The following LRP1B variants were observed in gnomAD, a reference collection of about 807,000 sequenced individuals.
LRP1B encodes the protein low-density lipoprotein receptor-related protein 1B.
In LRP1B, 217 loss-of-function variants were observed where a neutral mutation model predicts 556.6. The observed-to-expected ratio is 0.39, with a 90% CI of 0.35 to 0.44. The LOEUF (loss-of-function observed/expected upper bound fraction) is 0.44, where lower values mean the gene tolerates loss of function less well. Among genes scored for constraint, LRP1B ranks in the 20% least tolerant of loss-of-function variants. LRP1B has a pLI of 1.00. For missense variants in LRP1B, 5,053 were observed against 5,620.8 expected (o/e 0.90, Z 3.23); for synonymous variants, 2,047 against 1,865.8 (o/e 1.10, Z -2.50).
intron 3 of LRP1B, among the ~76,000 whole-genome samples, chr2:141,353,088 A>G (rs1372852326): frequency 6.6e-6 from 1 of 151,964 alleles, no homozygotes; most frequent in Non-Finnish European, 1.5e-5. Context: ...GTCATGTCAT[A>G]AGTCAAAACA....
At chr2:140,483,808 T>C (rs1377568648) in intron 59 of LRP1B, among the ~76,000 whole-genome samples, 1 of 151,502 alleles carries the variant, frequency 6.6e-6, no homozygotes, top group African/African-American at 2.4e-5. Context: ...GCCTGGCTAA[T>C]TTTTGTATTT....
chr2:141,431,142 A>AAAATAAATAAATAAATAAATAAATAAAT (rs36102221), intron 3 of LRP1B, among the ~76,000 whole-genome samples: 4 of 148,180 alleles, frequency 2.7e-5, no homozygotes, highest in Non-Finnish European at 5.9e-5. Context: ...TCAAAAAATC[A>AAAATAAATAAATAAATAAATAAATAAAT]AAATAAATAA....
intron 1 of LRP1B, among the ~76,000 whole-genome samples, chr2:142,007,199 T>C (rs1702829121): frequency 6.6e-6 from 1 of 152,188 alleles, no homozygotes; most frequent in African/African-American, 2.4e-5. Context: ...AGATATGGAA[T>C]TTTCTTTCCT....
chr2:141,065,218 C>A (rs1308830861), intron 7 of LRP1B, among the ~76,000 whole-genome samples: 1 of 151,892 alleles, frequency 6.6e-6, no homozygotes, highest in South Asian at 2.1e-4. Flanking sequence ...ACTCATTGAG[C>A]CACTTCAGAG....
At chr2:141,648,259 T>A (rs944962245) in intron 2 of LRP1B, among the ~76,000 whole-genome samples, 2 of 152,224 alleles carry the variant, frequency 1.3e-5, no homozygotes, top group Non-Finnish European at 2.9e-5. Flanking sequence ...ACAACATTCA[T>A]TGAGTCCAAT....
At chr2:140,258,664 A>G (rs976814637) in intron 86 of LRP1B, among the ~76,000 whole-genome samples, 2 of 151,600 alleles carry the variant, frequency 1.3e-5, no homozygotes, top group Admixed American at 6.6e-5. Context: ...TGTTCTTTAT[A>G]TATATTACAT....
intron 27 of LRP1B, 62 bp from the exon 28 acceptor site, chr2:140,851,845 G>A (rs745914568): frequency 3.4e-4 from 494 of 1,456,354 alleles, no homozygotes; most frequent in Non-Finnish European, 4.5e-4. Context: ...GAAGCTCTGA[G>A]GTTGACAGGG....
intron 72 of LRP1B, among the ~76,000 whole-genome samples, chr2:140,363,814 CA>C (rs1682628292): frequency 6.6e-6 from 1 of 151,498 alleles, no homozygotes; most frequent in African/African-American, 2.4e-5. Flanking sequence ...CTTGATGCAA[CA>C]AACAGAACAA....
intron 59 of LRP1B, among the ~76,000 whole-genome samples, chr2:140,482,442 T>C (rs962471149): frequency 6.6e-6 from 1 of 152,164 alleles, no homozygotes; most frequent in African/African-American, 2.4e-5. Context: ...AAAATGCTTA[T>C]ACATATCCTG....
chr2:140,392,910 T>C (rs1558850986), intron 66 of LRP1B, among the ~76,000 whole-genome samples: 1 of 151,626 alleles, frequency 6.6e-6, no homozygotes, highest in Non-Finnish European at 1.5e-5. Flanking sequence ...TAAAATGTTA[T>C]ATGTAGGCCT....
At chr2:142,119,639 C>T (rs949048395) in intron 1 of LRP1B, among the ~76,000 whole-genome samples, 1 of 152,138 alleles carries the variant, frequency 6.6e-6, no homozygotes, top group African/African-American at 2.4e-5. Context: ...TTAACAGTAA[C>T]AATATTTCCT....
In LRP1B at chr2:141,699,038, T is replaced by G. The variant is rs1574256741; in HGVS notation, c.205+111241A>C. Among the ~76,000 whole-genome samples, 8 of 151,898 alleles carry G rather than the reference T, an allele frequency of 5.3e-5. No individual in the cohort carries two copies. In the South Asian group the frequency reaches 1.7e-3, roughly 32 times the overall value. ...GATAATTTATTCTCTTCTCTCATTC[T>G]CTCTGTCTTTCCTTCATCAGAATCC... On this transcript the variant is annotated intron_variant, in intron 2 of 90. Transcript: ENST00000389484.
Position 141,219,637 on chromosome 2 carries a change from C to T in LRP1B, c.850+9546G>A, listed in dbSNP as rs115244467. ...TCACATGCCTCCTGACTGTTTGAGA[C>T]ATCCCAACAAGGGCCATGAGACACC... On this transcript the variant is annotated intron_variant, in intron 6 of 90. Transcript: ENST00000389484. Among the ~76,000 whole-genome samples, 914 of 152,266 alleles carry T rather than the reference C, an allele frequency of 6.0e-3. 10 individuals carry two copies. Among genetic ancestry groups the T allele is most frequent in the African/African-American group, 0.021 (868 of 41,576 alleles).
intron 9 of LRP1B, among the ~76,000 whole-genome samples, chr2:141,056,388 C>T (rs1309985118): frequency 6.6e-6 from 1 of 151,698 alleles, no homozygotes; most frequent in Non-Finnish European, 1.5e-5. Context: ...AACCCAAATT[C>T]CCACAACAAT....
intron 66 of LRP1B, among the ~76,000 whole-genome samples, chr2:140,429,062 A>G (rs1685796028): frequency 1.3e-5 from 2 of 152,162 alleles, no homozygotes; most frequent in Middle Eastern, 3.4e-3. Flanking sequence ...CCTCCTTGGC[A>G]ACGGATCATG....
intron 1 of LRP1B, among the ~76,000 whole-genome samples, chr2:141,873,679 C>A (rs756653218): frequency 2.0e-5 from 3 of 151,806 alleles, no homozygotes; most frequent in Non-Finnish European, 4.4e-5. Flanking sequence ...AGAACCAAGG[C>A]TCCTTGAAGA....
intron 2 of LRP1B, among the ~76,000 whole-genome samples, chr2:141,717,637 TC>T (rs1433628137): frequency 2.0e-5 from 3 of 152,216 alleles, no homozygotes; most frequent in African/African-American, 4.8e-5. Flanking sequence ...GACAGATTTT[TC>T]TCTCTGAAAG....
chr2:141,649,533 C>A (rs778291863), intron 2 of LRP1B, among the ~76,000 whole-genome samples: 1 of 152,096 alleles, frequency 6.6e-6, no homozygotes, highest in Non-Finnish European at 1.5e-5. Context: ...TTGAAAAATG[C>A]TCAAGATGTC....
chr2:142,065,412 G>T (rs1705075498), intron 1 of LRP1B, among the ~76,000 whole-genome samples: 2 of 150,780 alleles, frequency 1.3e-5, no homozygotes, highest in Admixed American at 6.7e-5. Flanking sequence ...GCTAATTGAT[G>T]CCTTCCTGCT....
Sources: allele counts gnomAD v4.1 joint callset (sites outside exome capture counted in the v4.1 genomes callset), GRCh38; gene constraint gnomAD v4.1.1; transcripts MANE v1.5; gene names NCBI Gene and HGNC (gene_info 2026-07-23, HGNC 2026-07-21).